SLC25A21: variants seen among roughly 807,000 people sequenced by gnomAD.
SLC25A21 encodes mitochondrial 2-oxodicarboxylate carrier.
Under a neutral mutation model 43.8 loss-of-function variants are expected in SLC25A21, and 47 were observed. The ratio of observed to expected loss-of-function variants is 1.07; its 90% confidence interval spans 0.85 to 1.37. The LOEUF (loss-of-function observed/expected upper bound fraction) is 1.37. Ranked by LOEUF, SLC25A21 falls within the 40% of genes most tolerant of loss-of-function variation. The probability of loss-of-function intolerance (pLI) is 0.00; values close to 1 mark genes in which losing one functional copy is unlikely to be tolerated. For synonymous variants in SLC25A21, 131 were observed against 121.3 expected (o/e 1.08, Z -0.52); for missense variants, 352 against 350.2 (o/e 1.00, Z -0.04).
chr14:37,031,644 C>G lies in SLC25A21; in HGVS notation c.70+140637G>C, dbSNP rs114628573. Among the ~76,000 whole-genome samples the G allele has an allele frequency of 8.3e-3, 1,259 of 152,220 alleles. 13 individuals are homozygous for G. The highest frequency in any genetic ancestry group is 0.029 in the African/African-American group (1,195 of 41,530). The stretch of plus-strand genomic sequence containing the variant: ...ACCATATCGAAAGCTAGGGCCTTTA[C>G]TAGATTAAGTTCAGCCATAAATTTA... On this transcript the variant is annotated intron_variant, in intron 1 of 9. Transcript: ENST00000331299.
At chr14:36,996,623 G>A (rs1960377569) in intron 1 of SLC25A21, among the ~76,000 whole-genome samples, 1 of 152,062 alleles carries the variant, frequency 6.6e-6, no homozygotes, top group Non-Finnish European at 1.5e-5. Flanking sequence ...GTTTTCTGCT[G>A]GTATGAGAAA....
intron 3 of SLC25A21, among the ~76,000 whole-genome samples, chr14:36,797,277 G>T (rs1478781673): frequency 6.6e-6 from 1 of 152,096 alleles, no homozygotes; most frequent in Non-Finnish European, 1.5e-5. Context: ...AGAAAGATCA[G>T]ATTTTTTAAG....
At chr14:36,913,599 T>A (rs1450958479) in intron 1 of SLC25A21, among the ~76,000 whole-genome samples, 2 of 152,200 alleles carry the variant, frequency 1.3e-5, no homozygotes, top group Non-Finnish European at 2.9e-5. Flanking sequence ...AAGAACGAGT[T>A]GTTTGAATAG....
intron 3 of SLC25A21, among the ~76,000 whole-genome samples, chr14:36,808,250 A>G (rs1040432705): frequency 6.6e-6 from 1 of 152,186 alleles, no homozygotes; most frequent in Non-Finnish European, 1.5e-5. Context: ...TTTTTCACAT[A>G]AGAGAGCTAA....
At chr14:37,020,170 G>C (rs747955747) in intron 1 of SLC25A21, among the ~76,000 whole-genome samples, 15 of 151,788 alleles carry the variant, frequency 9.9e-5, no homozygotes, top group Non-Finnish European at 1.8e-4. Context: ...AATAAAACTC[G>C]ATGTAGTTAA....
intron 1 of SLC25A21, among the ~76,000 whole-genome samples, chr14:37,020,411 T>C (rs61989486): frequency 3.8e-4 from 57 of 150,372 alleles, no homozygotes; most frequent in South Asian, 6.3e-4. Context: ...CACCTAATCA[T>C]CTCAAAAAAA....
chr14:36,700,881 C>G (rs781253220), intron 7 of SLC25A21, among the ~76,000 whole-genome samples: 2 of 152,200 alleles, frequency 1.3e-5, no homozygotes, highest in African/African-American at 2.4e-5. Context: ...AGCAGCTCAT[C>G]ATTGTCTTGC....
chr14:36,860,159 C>T (rs8018385), intron 2 of SLC25A21, among the ~76,000 whole-genome samples: 2,837 of 150,204 alleles, frequency 0.019, 102 homozygotes, highest in African/African-American at 0.067. Context: ...GAGAGACACA[C>T]GGGAGGCCAC....
chr14:36,974,876 AAG>A (rs1959834442), intron 1 of SLC25A21, among the ~76,000 whole-genome samples: 1 of 152,186 alleles, frequency 6.6e-6, no homozygotes, highest in African/African-American at 2.4e-5. Flanking sequence ...TCAGATGAGA[AAG>A]AAGAGATGGT....
intron 1 of SLC25A21, among the ~76,000 whole-genome samples, chr14:36,976,538 TAA>T (rs144851170): frequency 1.3e-5 from 2 of 150,536 alleles, no homozygotes; most frequent in Non-Finnish European, 3.0e-5. Flanking sequence ...GGCCTGTAGA[TAA>T]AAAAAAACAA....
chr14:36,706,924 A>C (rs1883596841), intron 7 of SLC25A21, among the ~76,000 whole-genome samples: 1 of 152,028 alleles, frequency 6.6e-6, no homozygotes, highest in Admixed American at 6.6e-5. Context: ...TCCTCTGCTT[A>C]AAATCATTTG....
At chr14:36,885,417 T>C (rs970219026) in intron 1 of SLC25A21, among the ~76,000 whole-genome samples, 1 of 152,228 alleles carries the variant, frequency 6.6e-6, no homozygotes, top group African/African-American at 2.4e-5. Flanking sequence ...GCGTCATGTT[T>C]GCTCGAGGTT....
rs17104977 is a variant in SLC25A21 at position 36,679,154 on chromosome 14, G to A, written c.*1504C>T. The A allele has an allele frequency of 6.6e-3, 6,550 of 985,294 alleles. 288 individuals carry two copies. The African/African-American group carries it at 0.098, about 15-fold the overall frequency. 61.0% of individuals were successfully genotyped at this position (985,294 alleles called of 1,614,324 possible). A position where few individuals can be genotyped will look rare whatever the true frequency, so the allele number is the denominator to read the frequency against. ...TTACCTGCAAGGATAGAATGCAGTT[G>A]TGCAACAGAGACACATTCTTATTTC... is the stretch of plus-strand genomic sequence containing the variant. On this transcript the variant is annotated 3_prime_UTR_variant, in exon 10 of 10. Coordinates refer to ENST00000331299, the MANE Select transcript of SLC25A21 (RefSeq NM_030631.4).
intron 6 of SLC25A21, among the ~76,000 whole-genome samples, chr14:36,723,562 T>C (rs1884462545): frequency 6.6e-6 from 1 of 152,148 alleles, no homozygotes; most frequent in South Asian, 2.1e-4. Context: ...TGGCTAAATA[T>C]ACATAATTTA....
At chr14:37,046,169 G>A (rs888807329) in intron 1 of SLC25A21, among the ~76,000 whole-genome samples, 1 of 152,070 alleles carries the variant, frequency 6.6e-6, no homozygotes, top group Non-Finnish European at 1.5e-5. Flanking sequence ...CAGGCAATCT[G>A]CCTCAAGGGT....
At chr14:36,949,689 C>T (rs1892759587) in intron 1 of SLC25A21, among the ~76,000 whole-genome samples, 1 of 152,008 alleles carries the variant, frequency 6.6e-6, no homozygotes, top group Admixed American at 6.6e-5. Flanking sequence ...GCCATGATAT[C>T]AAGTTTAAGT....
chr14:36,938,734 T>TA (rs1892486745), intron 1 of SLC25A21, among the ~76,000 whole-genome samples: 1 of 152,006 alleles, frequency 6.6e-6, no homozygotes, highest in African/African-American at 2.4e-5. Flanking sequence ...AACAATAACT[T>TA]AGACTCATAA....
intron 3 of SLC25A21, among the ~76,000 whole-genome samples, chr14:36,745,915 T>G (rs960113359): frequency 2.6e-5 from 4 of 152,120 alleles, no homozygotes; most frequent in African/African-American, 9.7e-5. Flanking sequence ...TATCATCACC[T>G]TACACTAGTT....
intron 3 of SLC25A21, among the ~76,000 whole-genome samples, chr14:36,802,581 G>A (rs980398608): frequency 2.2e-4 from 33 of 152,134 alleles, no homozygotes; most frequent in Admixed American, 6.6e-4. Flanking sequence ...ACTTCCAAGT[G>A]GAATTCTAAT....
Sources: allele counts gnomAD v4.1 joint callset (sites outside exome capture counted in the v4.1 genomes callset), GRCh38; gene constraint gnomAD v4.1.1; transcripts MANE v1.5; gene names NCBI Gene and HGNC (gene_info 2026-07-23, HGNC 2026-07-21).